SPHKAP: variants seen among roughly 807,000 people sequenced by gnomAD.
SPHKAP encodes the protein SPHK1 interactor, AKAP domain containing, also known as A-kinase anchor protein SPHKAP.
Under a neutral mutation model 137.5 loss-of-function variants are expected in SPHKAP, and 67 were observed. The observed-to-expected ratio is 0.49, with a 90% CI of 0.40 to 0.60. SPHKAP has a LOEUF of 0.60. SPHKAP is among the 20% of genes least tolerant of loss of function. SPHKAP has a pLI of 0.00. For missense variants in SPHKAP, 2,097 were observed against 2,069.3 expected (o/e 1.01, Z -0.26); for synonymous variants, 813 against 785.3 (o/e 1.04, Z -0.59).
At position 228,016,598 on chromosome 2, in the gene SPHKAP, C is replaced by G. The variant is rs2396519; in HGVS notation, c.4256G>C (p.Arg1419Pro). 5 of 1,613,962 alleles carry G rather than the reference C, an allele frequency of 3.1e-6. No individual in the cohort carries two copies. Among genetic ancestry groups the G allele is most frequent in the African/African-American group, 1.3e-5 (1 of 74,988 alleles). The change falls in exon 7 of 12, where the codon CGA becomes CCA. Residue 1419 changes from arginine to proline, a missense_variant. Physicochemically the swap from Arg to Pro is moderately radical, Grantham distance 103. Transcript: ENST00000392056. ...QDPVPINHKR[R>P]SLCSREVPLI... ...AGGCACTTCCCTCGAGCAAAGTGAT[C>G]GCCTTTTGTGGTTTATTGGTACAGG...
intron 3 of SPHKAP, among the ~76,000 whole-genome samples, chr2:228,080,556 A>T (rs2106314057): frequency 6.6e-6 from 1 of 152,108 alleles, no homozygotes; most frequent in South Asian, 2.1e-4. Flanking sequence ...AAGTACAAAA[A>T]ATTAGCTGGG....
intron 7 of SPHKAP, among the ~76,000 whole-genome samples, chr2:227,996,731 T>C (rs1693654770): frequency 6.6e-6 from 1 of 152,208 alleles, no homozygotes; most frequent in Admixed American, 6.5e-5. Context: ...CTTTTCTGTG[T>C]GCCTAGGCTT....
Position 228,016,576 on chromosome 2 carries a change from C to T in SPHKAP, c.4278G>A (p.Val1426=). 1 of 1,614,106 alleles carries T rather than the reference C, an allele frequency of 6.2e-7. No homozygotes were observed. Among genetic ancestry groups the T allele is most frequent in the Non-Finnish European group, 8.5e-7 (1 of 1,180,026 alleles). The change falls in exon 7 of 12, where the codon GTG becomes GTA. Residue 1426 remains valine, a synonymous_variant. Coordinates refer to ENST00000392056, the MANE Select transcript of SPHKAP (RefSeq NM_001142644.2). The part of the protein sequence containing the change: ...HKRRSLCSRE[V]PLIQIETDQR... ...GATCTGTTTCAATCTGAATCAAAGG[C>T]ACTTCCCTCGAGCAAAGTGATCGCC...
At chr2:228,074,042 G>C (rs1008748774) in intron 3 of SPHKAP, among the ~76,000 whole-genome samples, 3 of 152,164 alleles carry the variant, frequency 2.0e-5, no homozygotes, top group Non-Finnish European at 1.5e-5. Context: ...GTTTTCAAAA[G>C]TCACCATATA....
intron 3 of SPHKAP, among the ~76,000 whole-genome samples, chr2:228,085,395 G>A (rs1697505000): frequency 6.6e-6 from 1 of 152,162 alleles, no homozygotes; most frequent in Admixed American, 6.5e-5. Context: ...TGACTTCAAG[G>A]ATATAGGACT....
intron 3 of SPHKAP, among the ~76,000 whole-genome samples, chr2:228,048,848 T>C (rs1236961671): frequency 6.6e-6 from 1 of 152,112 alleles, no homozygotes; most frequent in East Asian, 1.9e-4. Context: ...ATTGGGGTTG[T>C]TTTTTCTTGT....
At chr2:228,157,535 C>T (rs1559205616) in intron 1 of SPHKAP, among the ~76,000 whole-genome samples, 1 of 152,158 alleles carries the variant, frequency 6.6e-6, no homozygotes, top group African/African-American at 2.4e-5. Flanking sequence ...TGGAATGGAG[C>T]AGCTGGATAA....
At chr2:228,069,120 A>G (rs1696923789) in intron 3 of SPHKAP, among the ~76,000 whole-genome samples, 1 of 152,130 alleles carries the variant, frequency 6.6e-6, no homozygotes, top group African/African-American at 2.4e-5. Context: ...TACAAAAATT[A>G]GCTGGGTGTG....
intron 3 of SPHKAP, among the ~76,000 whole-genome samples, chr2:228,089,570 A>G (rs1253923189): frequency 6.6e-6 from 1 of 152,242 alleles, no homozygotes; most frequent in Non-Finnish European, 1.5e-5. Context: ...CTAATATCCA[A>G]GGAAAAAATG....
chr2:228,169,301 T>C (rs1383597673), intron 1 of SPHKAP, among the ~76,000 whole-genome samples: 1 of 152,178 alleles, frequency 6.6e-6, no homozygotes, highest in African/African-American at 2.4e-5. Context: ...AGGACTTTCA[T>C]AGCTAGAGAG....
intron 4 of SPHKAP, 29 bp from the exon 5 acceptor site, chr2:228,025,557 G>A (rs766795092): frequency 8.7e-6 from 14 of 1,608,688 alleles, no homozygotes; most frequent in Non-Finnish European, 1.2e-5. Flanking sequence ...TATTAGTTTA[G>A]CTGATTTCTT....
intron 7 of SPHKAP, 108 bp from the exon 8 acceptor site, chr2:227,995,802 A>C: frequency 7.4e-7 from 1 of 1,347,470 alleles, no homozygotes; most frequent in Middle Eastern, 2.7e-4. Context: ...GTCACTGGAC[A>C]CAGGCAGAGT....
rs143264322 is a variant in SPHKAP, at chr2:228,004,698, G to C, written c.4449-9004C>G. Among the ~76,000 whole-genome samples the C allele has an allele frequency of 4.2e-3, 646 of 152,056 alleles. 4 individuals are homozygous for C. The highest frequency in any genetic ancestry group is 0.014 in the African/African-American group (563 of 41,504). The stretch of plus-strand genomic sequence containing the variant: ...TGCTTTCTCTTGTGGGCATTTAGTG[G>C]TATAAATTTTCCTCTACACACTGCT... On this transcript the variant is annotated intron_variant, in intron 7 of 11. Transcript: ENST00000392056.
intron 1 of SPHKAP, among the ~76,000 whole-genome samples, chr2:228,148,613 T>G (rs1296914047): frequency 6.6e-6 from 1 of 152,102 alleles, no homozygotes; most frequent in Non-Finnish European, 1.5e-5. Context: ...TGATCACGAC[T>G]TGGCTTTATA....
chr2:228,127,222 A>G (rs1394313440), intron 2 of SPHKAP, among the ~76,000 whole-genome samples: 2 of 152,220 alleles, frequency 1.3e-5, no homozygotes, highest in African/African-American at 4.8e-5. Context: ...CATACATTGC[A>G]TGTGCATTTA....
intron 3 of SPHKAP, among the ~76,000 whole-genome samples, chr2:228,071,401 A>T (rs73096671): frequency 0.018 from 2,816 of 152,290 alleles, 84 homozygotes; most frequent in African/African-American, 0.062. Context: ...CAGGAACTGC[A>T]TCTTCTGTTA....
At chr2:228,061,328 A>G (rs1696625955) in intron 3 of SPHKAP, among the ~76,000 whole-genome samples, 1 of 151,932 alleles carries the variant, frequency 6.6e-6, no homozygotes, top group South Asian at 2.1e-4. Context: ...CAGTGGCGTG[A>G]TCTCGGCTCA....
intron 3 of SPHKAP, among the ~76,000 whole-genome samples, chr2:228,036,663 G>C (rs1330284585): frequency 6.6e-6 from 1 of 152,076 alleles, no homozygotes; most frequent in East Asian, 1.9e-4. Context: ...ACTGGATTAA[G>C]AAAATGTGGC....
chr2:228,042,206 A>G (rs993461066), intron 3 of SPHKAP, among the ~76,000 whole-genome samples: 6 of 152,214 alleles, frequency 3.9e-5, no homozygotes, highest in Middle Eastern at 3.2e-3. Flanking sequence ...GAGTAGGAGC[A>G]CTTAACCTGC....
Sources: allele counts gnomAD v4.1 joint callset (sites outside exome capture counted in the v4.1 genomes callset), GRCh38; gene constraint gnomAD v4.1.1; transcripts MANE v1.5; gene names NCBI Gene and HGNC (gene_info 2026-07-23, HGNC 2026-07-21).